Variants in SGK2 observed in about 807,000 individuals in gnomAD.
SGK2 encodes serine/threonine-protein kinase Sgk2.
Under a neutral mutation model 47.5 loss-of-function variants are expected in SGK2, and 36 were observed. The ratio of observed to expected loss-of-function variants is 0.76; its 90% CI spans 0.58 to 1.00. SGK2 has a LOEUF of 1.00. Among genes scored for constraint, SGK2 ranks in the 50% least tolerant of loss-of-function variants. SGK2 has a pLI of 0.00. For missense variants in SGK2, 404 were observed against 467.4 expected (o/e 0.86, Z 1.25); for synonymous variants, 157 against 181.9 (o/e 0.86, Z 1.10).
chr20:43,570,418 A>T (rs1980022642), intron 6 of SGK2, among the ~76,000 whole-genome samples, 199 bp from the exon 7 acceptor site: 2 of 152,138 alleles, frequency 1.3e-5, no homozygotes, highest in African/African-American at 4.8e-5. Flanking sequence ...AGCAATGCTA[A>T]CTCATCTCTT....
chr20:43,570,736 C>A lies in SGK2; in HGVS notation c.473+7C>A, dbSNP rs1426453841. The A allele has an allele frequency of 3.8e-6, 6 of 1,595,604 alleles. No homozygotes were observed. In the Middle Eastern group the frequency reaches 6.6e-4, roughly 177 times the overall value. ...CCCTCAACATCATTTACAGGTGAGG[C>A]CTGCCTGTGGCTCAGAGCCAGGACC... On this transcript the variant is annotated splice_region_variant and intron_variant, in intron 7 of 12. Coordinates refer to ENST00000373100, the MANE Select transcript of SGK2 (RefSeq NM_170693.3).
intron 11 of SGK2, among the ~76,000 whole-genome samples, chr20:43,576,729 C>T (rs759634363): frequency 1.3e-5 from 2 of 152,216 alleles, no homozygotes; most frequent in Non-Finnish European, 2.9e-5. Flanking sequence ...CACCTGAAGT[C>T]AGAAGTTCGA....
chr20:43,567,013 A>G (rs1336825045), intron 2 of SGK2, 55 bp from the exon 3 acceptor site: 1 of 1,445,080 alleles, frequency 6.9e-7, no homozygotes, highest in Non-Finnish European at 9.7e-7. Flanking sequence ...GGCCAGGAGA[A>G]AGGGAGGTAG....
chr20:43,569,572 A>G, intron 6 of SGK2, 56 bp downstream of exon 6: 3 of 1,591,198 alleles, frequency 1.9e-6, no homozygotes, highest in African/African-American at 1.3e-5. Flanking sequence ...GGAGCTGTCC[A>G]TCCCACATGC....
chr20:43,562,780 C>T (rs1390265575), intron 1 of SGK2, among the ~76,000 whole-genome samples: 1 of 152,042 alleles, frequency 6.6e-6, no homozygotes, highest in Non-Finnish European at 1.5e-5. Context: ...TGCCTCTAGA[C>T]ATCTGACTAG....
At chr20:43,581,036 C>G (rs549611430) in intron 12 of SGK2, among the ~76,000 whole-genome samples, 1 of 151,938 alleles carries the variant, frequency 6.6e-6, no homozygotes, top group Non-Finnish European at 1.5e-5. Context: ...CCACCATGCC[C>G]GGCTAATTTT....
chr20:43,581,778 C>T (rs937649164), intron 12 of SGK2, among the ~76,000 whole-genome samples: 6 of 152,196 alleles, frequency 3.9e-5, no homozygotes, highest in African/African-American at 9.6e-5. Flanking sequence ...ATCCACTCGC[C>T]TTGGCCTCCC....
intron 1 of SGK2, among the ~76,000 whole-genome samples, chr20:43,562,417 CAAAAAAAAAA>C (rs111670042): frequency 2.0e-5 from 1 of 49,966 alleles, no homozygotes. Context: ...AACCATGTCT[CAAAAAAAAAA>C]AAAAAAAAAA....
intron 12 of SGK2, among the ~76,000 whole-genome samples, chr20:43,584,606 TG>T (rs1241502592): frequency 2.0e-5 from 3 of 152,224 alleles, no homozygotes; most frequent in Non-Finnish European, 4.4e-5. Context: ...GAACAGTACC[TG>T]GTAGGCATTC....
intron 1 of SGK2, among the ~76,000 whole-genome samples, chr20:43,564,379 A>G (rs1048595474): frequency 6.6e-6 from 1 of 152,340 alleles, no homozygotes; most frequent in South Asian, 2.1e-4. Context: ...TTGGGAGGCG[A>G]AGGGCTCTCA....
rs767818439 is a variant in SGK2, at chr20:43,583,375, G to A, written c.940-1477G>A. On this transcript the variant is annotated intron_variant, in intron 12 of 12. Coordinates refer to ENST00000373100, the MANE Select transcript of SGK2 (RefSeq NM_170693.3). ...TCACCTACCATTTGTGAGGTCTTCAGTAAGTCTCTTTAGTATCATTTTCTT... is the reference window on the plus strand; with the variant it reads ...TCACCTACCATTTGTGAGGTCTTCAATAAGTCTCTTTAGTATCATTTTCTT... 127 of 1,261,938 alleles carry A rather than the reference G, an allele frequency of 1.0e-4. 2 individuals are homozygous for A. The African/African-American group carries it at 1.7e-3, about 17-fold the overall frequency. 78.2% of individuals were successfully genotyped at this position (1,261,938 alleles called of 1,614,324 possible).
intron 7 of SGK2, 111 bp from the exon 8 acceptor site, chr20:43,570,913 G>T: frequency 6.5e-7 from 1 of 1,542,008 alleles, no homozygotes. Context: ...CTGCATCTCT[G>T]GCAACCTCCA....
Position 43,580,002 on chromosome 20 carries a change from C to A in SGK2, c.880C>A (p.Pro294Thr), listed in dbSNP as rs1416496403. The change falls in exon 12 of 13, where the codon CCC becomes ACC. Residue 294 changes from proline to threonine, a missense_variant. By Grantham distance (38) the Pro-to-Thr change is conservative. Coordinates refer to ENST00000373100, the MANE Select transcript of SGK2 (RefSeq NM_170693.3). ...GATTAAGAACCATGTATTCTTCAGC[C>A]CCATAAACTGGGATGACCTGTACCA... ...LEIKNHVFFS[P>T]INWDDLYHKR... 6.2e-7 allele frequency: 1 copy of A among 1,613,312 alleles called. No individual in the cohort carries two copies. The highest frequency in any genetic ancestry group is 1.1e-5 in the South Asian group (1 of 91,014).
intron 5 of SGK2, 103 bp from the exon 6 acceptor site, chr20:43,569,282 C>T (rs995524500): frequency 2.1e-6 from 3 of 1,446,102 alleles, no homozygotes; most frequent in Non-Finnish European, 2.8e-6. Context: ...ATGAGAAAGT[C>T]CTGGGTAGGA....
intron 1 of SGK2, 67 bp from the exon 2 acceptor site, chr20:43,566,405 GC>G (rs1222086603): frequency 6.2e-7 from 1 of 1,614,166 alleles, no homozygotes; most frequent in African/African-American, 1.3e-5. Flanking sequence ...GGTGCCTGAA[GC>G]CCTGGATGGG....
intron 1 of SGK2, among the ~76,000 whole-genome samples, chr20:43,560,274 G>A (rs2009280): frequency 0.12 from 17,705 of 152,160 alleles, 1,292 homozygotes; most frequent in East Asian, 0.32. Flanking sequence ...CGAGGCAGGC[G>A]GATCACCTGA....
rs1185922314 is a variant in SGK2, at chr20:43,572,911, C to T, written c.597+774C>T. Among the ~76,000 whole-genome samples the T allele has an allele frequency of 1.3e-5, 2 of 151,600 alleles. No individual in the cohort carries two copies. The highest frequency in any genetic ancestry group is 1.9e-4 in the East Asian group (1 of 5,182). On this transcript the variant is annotated intron_variant, in intron 9 of 12. Coordinates refer to ENST00000373100, the MANE Select transcript of SGK2 (RefSeq NM_170693.3). This position sits in a 1 kb window ranked among gnomAD's most constrained non-coding sequence, Gnocchi z 4.2. Reference sequence around the variant, plus strand: ...CTTGAAAATCTGGCATGAATTTTAACACTTACAGCCCATCTCAATTTGGAG... The same window carrying T: ...CTTGAAAATCTGGCATGAATTTTAATACTTACAGCCCATCTCAATTTGGAG...
Position 43,572,276 on chromosome 20 carries a change from G to A in SGK2, c.597+139G>A. The A allele has an allele frequency of 1.5e-6, 1 of 652,484 alleles. No homozygotes were observed. The highest frequency in any genetic ancestry group is 2.5e-5 in the Admixed American group (1 of 40,532). The allele number at this position is 652,484 out of a possible 1,614,324, so 40.4% of individuals were successfully genotyped here. A position where few individuals can be genotyped will look rare whatever the true frequency, so the allele number is the denominator to read the frequency against. On this transcript the variant is annotated intron_variant, in intron 9 of 12. Coordinates refer to ENST00000373100, the MANE Select transcript of SGK2 (RefSeq NM_170693.3). The surrounding 1 kb of genome is among the most constrained non-coding windows in gnomAD (Gnocchi z 4.2). Reference sequence around the variant, plus strand: ...TCCTGAGTGGGCTATACACTGAACTGTGGTTTCCTCATCTATGTAATGGGG... The same window carrying A: ...TCCTGAGTGGGCTATACACTGAACTATGGTTTCCTCATCTATGTAATGGGG...
rs545256210 is a variant in SGK2 at position 43,574,967 on chromosome 20, G to T, written c.656G>T (p.Cys219Phe). ...TATGATCGAGCAGTGGACTGGTGGT[G>T]CTTGGGGGCAGTCCTCTACGAGATG... Reference protein sequence around the residue: ...EPYDRAVDWWCLGAVLYEMLH... With the variant: ...EPYDRAVDWWFLGAVLYEMLH... The change falls in exon 10 of 13, where the codon TGC becomes TTC. Residue 219 changes from cysteine (C) to phenylalanine (F), a missense_variant. Transcript: ENST00000373100. 97 of 1,613,820 alleles carry T rather than the reference G, an allele frequency of 6.0e-5. No individual in the cohort carries two copies. In the South Asian group the frequency reaches 8.3e-4, roughly 14 times the overall value.
Sources: allele counts gnomAD v4.1 joint callset (sites outside exome capture counted in the v4.1 genomes callset), GRCh38; gene constraint gnomAD v4.1.1; non-coding constraint Gnocchi (gnomAD v3.1); transcripts MANE v1.5; gene names NCBI Gene and HGNC (gene_info 2026-07-23, HGNC 2026-07-21).